The following SENP7 variants were observed in gnomAD, a reference collection of about 807,000 sequenced individuals.
SENP7 encodes the protein SUMO specific peptidase 7, also known as sentrin-specific protease 7.
SENP7 carries 64 observed loss-of-function variants against 141.2 expected under a neutral mutation model. The ratio of observed to expected loss-of-function variants is 0.45; its 90% CI spans 0.37 to 0.56. The LOEUF (loss-of-function observed/expected upper bound fraction) is 0.56, where lower values mean the gene tolerates loss of function less well. Ranked by LOEUF, SENP7 falls within the 20% of genes least tolerant of loss-of-function variation. The pLI, the probability that SENP7 is intolerant of heterozygous loss-of-function variation, is 0.00. For missense variants in SENP7, 1,025 were observed against 1,212.2 expected (o/e 0.85, Z 2.29); for synonymous variants, 382 against 426.4 (o/e 0.90, Z 1.28).
At chr3:101,346,796 T>G (rs916999038) in intron 13 of SENP7, among the ~76,000 whole-genome samples, 1 of 151,922 alleles carries the variant, frequency 6.6e-6, no homozygotes, top group Non-Finnish European at 1.5e-5. Flanking sequence ...AGACTATAAA[T>G]TGGGTTCAGT....
chr3:101,470,640 G>T (rs1474212441), intron 3 of SENP7, among the ~76,000 whole-genome samples: 1 of 152,152 alleles, frequency 6.6e-6, no homozygotes, highest in Admixed American at 6.5e-5. Context: ...AGTATTGGAA[G>T]TTCTGGCCAG....
intron 4 of SENP7, among the ~76,000 whole-genome samples, chr3:101,449,719 G>T (rs1327713143): frequency 2.2e-4 from 34 of 152,190 alleles, no homozygotes; most frequent in Admixed American, 2.2e-3. Flanking sequence ...CCTGATGGAA[G>T]CACTAAACAT....
chr3:101,390,845 T>A (rs2060797682), intron 6 of SENP7, among the ~76,000 whole-genome samples: 1 of 152,148 alleles, frequency 6.6e-6, no homozygotes. Context: ...AGACCATATG[T>A]TAAGACACAA....
chr3:101,507,221 C>T lies in SENP7; in HGVS notation c.40+5870G>A, dbSNP rs181560416. Reference sequence around the variant, plus strand: ...GCCAGATTCATAAATTACTGAAAACCCAAATGAAAGTTATTCATCAGGAAG... The same window carrying T: ...GCCAGATTCATAAATTACTGAAAACTCAAATGAAAGTTATTCATCAGGAAG... On this transcript the variant is annotated intron_variant, in intron 1 of 23. Transcript: ENST00000394095. Among the ~76,000 whole-genome samples, 6 of 152,262 alleles carry T rather than the reference C, an allele frequency of 3.9e-5. No individual in the cohort carries two copies. In the East Asian group the frequency reaches 9.6e-4, roughly 24 times the overall value.
chr3:101,436,452 C>T (rs2062391523), intron 4 of SENP7, among the ~76,000 whole-genome samples: 1 of 152,080 alleles, frequency 6.6e-6, no homozygotes, highest in African/African-American at 2.4e-5. Flanking sequence ...AGCTTCTGTA[C>T]ATGAAAGGAT....
At chr3:101,437,493 T>A (rs2107747307) in intron 4 of SENP7, among the ~76,000 whole-genome samples, 1 of 152,276 alleles carries the variant, frequency 6.6e-6, no homozygotes, top group African/African-American at 2.4e-5. Flanking sequence ...CATAAATATA[T>A]ACACCTAATA....
intron 1 of SENP7, among the ~76,000 whole-genome samples, chr3:101,503,876 G>A (rs2065486337): frequency 6.6e-6 from 1 of 151,986 alleles, no homozygotes. Context: ...GAACCAGGCA[G>A]TTGAGGCTGC....
intron 5 of SENP7, among the ~76,000 whole-genome samples, chr3:101,405,095 G>A (rs952190911): frequency 2.6e-5 from 4 of 152,124 alleles, no homozygotes; most frequent in African/African-American, 4.8e-5. Flanking sequence ...AGCTCGCATC[G>A]TGAATTTTTG....
intron 4 of SENP7, among the ~76,000 whole-genome samples, chr3:101,436,854 TG>T (rs1296703184): frequency 6.6e-6 from 1 of 152,172 alleles, no homozygotes; most frequent in African/African-American, 2.4e-5. Context: ...ATAACCACTA[TG>T]GAAAACACGT....
rs1446154146 is a variant in SENP7 at position 101,457,365 on chromosome 3, G to A, written c.284+1590C>T. On this transcript the variant is annotated intron_variant, in intron 4 of 23. Transcript: ENST00000394095. ...CATGGATTGTTTGGGCAAAGCTTCA[G>A]CCAGTCTGCTTAAACTGTTCAGACT... 4 of 1,415,696 alleles carry A rather than the reference G, an allele frequency of 2.8e-6. No individual in the cohort carries two copies. In the Middle Eastern group the frequency reaches 7.1e-4, roughly 251 times the overall value. The allele number at this position is 1,415,696 out of a possible 1,614,324, so 87.7% of individuals were successfully genotyped here.
intron 11 of SENP7, among the ~76,000 whole-genome samples, chr3:101,354,952 G>T (rs963119711): frequency 2.0e-5 from 3 of 152,114 alleles, no homozygotes; most frequent in Non-Finnish European, 4.4e-5. Context: ...CTGTGGTTTT[G>T]ATTTGGATTT....
intron 11 of SENP7, chr3:101,357,441 C>A: frequency 9.6e-7 from 1 of 1,037,814 alleles, no homozygotes; most frequent in Non-Finnish European, 1.4e-6. Context: ...CCTTTGACTA[C>A]GAAGAGACAT....
intron 4 of SENP7, among the ~76,000 whole-genome samples, chr3:101,423,203 G>A (rs764108811): frequency 6.6e-6 from 1 of 151,744 alleles, no homozygotes; most frequent in Non-Finnish European, 1.5e-5. Flanking sequence ...TTATTTTTCT[G>A]GTCTTTAAAA....
chr3:101,485,080 A>AC (rs1201886762), intron 3 of SENP7, among the ~76,000 whole-genome samples: 1 of 151,296 alleles, frequency 6.6e-6, no homozygotes, highest in African/African-American at 2.4e-5. Flanking sequence ...TCTCACCCAC[A>AC]CCCCCCACAG....
chr3:101,396,615 T>C (rs758716798), intron 6 of SENP7, among the ~76,000 whole-genome samples: 11 of 152,176 alleles, frequency 7.2e-5, no homozygotes, highest in Non-Finnish European at 1.2e-4. Flanking sequence ...ACATAGGGCA[T>C]TCAAAATTAC....
chr3:101,480,428 C>T (rs1161400659), intron 3 of SENP7, among the ~76,000 whole-genome samples: 1 of 152,142 alleles, frequency 6.6e-6, no homozygotes, highest in Non-Finnish European at 1.5e-5. Flanking sequence ...GTAAGGAACA[C>T]CCTCTTCAAT....
intron 11 of SENP7, among the ~76,000 whole-genome samples, chr3:101,356,894 T>A (rs1355024272): frequency 1.3e-5 from 2 of 152,362 alleles, no homozygotes; most frequent in Non-Finnish European, 2.9e-5. Flanking sequence ...CCCTTTATAT[T>A]TGTAACGGTT....
chr3:101,348,585 T>A (rs1258681683), intron 12 of SENP7, among the ~76,000 whole-genome samples: 4 of 152,154 alleles, frequency 2.6e-5, no homozygotes, highest in Non-Finnish European at 5.9e-5. Flanking sequence ...TCCTAAGGCA[T>A]TTGCATTCCG....
chr3:101,453,128 A>C (rs1322326942), intron 4 of SENP7, among the ~76,000 whole-genome samples: 4 of 152,182 alleles, frequency 2.6e-5, no homozygotes, highest in African/African-American at 4.8e-5. Context: ...CTCATCATCA[A>C]TGGCCATCAG....
Sources: allele counts gnomAD v4.1 joint callset (sites outside exome capture counted in the v4.1 genomes callset), GRCh38; gene constraint gnomAD v4.1.1; transcripts MANE v1.5; gene names NCBI Gene and HGNC (gene_info 2026-07-23, HGNC 2026-07-21).